USP8: variants seen among roughly 807,000 people sequenced by gnomAD.
USP8 encodes the protein ubiquitin specific peptidase 8, also known as ubiquitin carboxyl-terminal hydrolase 8.
Under a neutral mutation model 130.0 loss-of-function variants are expected in USP8, and 27 were observed. The observed-to-expected ratio is 0.21, with a 90% CI of 0.15 to 0.29. The LOEUF (loss-of-function observed/expected upper bound fraction) is 0.29. Ranked by LOEUF, USP8 falls within the 10% of genes least tolerant of loss-of-function variation. USP8 has a pLI of 1.00. For synonymous variants in USP8, 392 were observed against 444.1 expected (o/e 0.88, Z 1.48); for missense variants, 1,029 against 1,312.2 (o/e 0.78, Z 3.33).
chr15:50,425,106 A>G (rs1436857079), intron 1 of USP8, among the ~76,000 whole-genome samples: 1 of 152,154 alleles, frequency 6.6e-6, no homozygotes, highest in Non-Finnish European at 1.5e-5. Flanking sequence ...AGTGATGTGC[A>G]TTATAAAGCT....
intron 18 of USP8, chr15:50,497,538 G>A (rs987105869): frequency 1.0e-5 from 2 of 197,226 alleles, no homozygotes; most frequent in East Asian, 1.2e-4. Flanking sequence ...CACATGAAAT[G>A]TAACATTCAA....
chr15:50,495,892 C>A lies in USP8; in HGVS notation c.2703C>A (p.Leu901=). ...KRYKEENNDH[L]DDFKAAEHAW... ...ATAAAGAAGAAAATAATGATCATCT[C>A]GATGACTTTAAAGCTGCAGAACATG... The change falls in exon 17 of 20, where the codon CTC becomes CTA. Residue 901 remains leucine (L), a synonymous_variant. Coordinates refer to ENST00000307179, the MANE Select transcript of USP8 (RefSeq NM_005154.5). 6.2e-7 allele frequency: 1 copy of A among 1,613,752 alleles called. No individual in the cohort carries two copies. Among genetic ancestry groups the A allele is most frequent in the Non-Finnish European group, 8.5e-7 (1 of 1,179,898 alleles).
chr15:50,428,817 T>G (rs2049830086), intron 1 of USP8, among the ~76,000 whole-genome samples: 1 of 152,230 alleles, frequency 6.6e-6, no homozygotes, highest in Non-Finnish European at 1.5e-5. Context: ...TTCACCTTTT[T>G]GCTTAAAGGA....
chr15:50,478,460 G>A (rs1027945956), intron 10 of USP8, among the ~76,000 whole-genome samples: 2 of 151,990 alleles, frequency 1.3e-5, no homozygotes, highest in African/African-American at 2.4e-5. Context: ...AGTGGATGAC[G>A]TTTGATTTGT....
At chr15:50,456,460 C>T (rs2050792004) in intron 4 of USP8, among the ~76,000 whole-genome samples, 1 of 151,776 alleles carries the variant, frequency 6.6e-6, no homozygotes, top group Non-Finnish European at 1.5e-5. Flanking sequence ...GTCATCCCAG[C>T]CACTCGAGAG....
chr15:50,465,872 G>A (rs2051172558), intron 7 of USP8, among the ~76,000 whole-genome samples: 1 of 152,124 alleles, frequency 6.6e-6, no homozygotes, highest in South Asian at 2.1e-4. Flanking sequence ...CTAAGCTCAG[G>A]TTTCCATCTG....
intron 14 of USP8, among the ~76,000 whole-genome samples, chr15:50,492,076 G>A (rs1410286762): frequency 6.6e-6 from 1 of 152,016 alleles, no homozygotes; most frequent in Non-Finnish European, 1.5e-5. Context: ...TGGCCAGGCT[G>A]GTCTCAAACT....
chr15:50,442,847 A>G (rs2050305699), intron 3 of USP8, among the ~76,000 whole-genome samples: 1 of 152,208 alleles, frequency 6.6e-6, no homozygotes. Flanking sequence ...GTTTACCTTT[A>G]CTTAGAAACA....
intron 4 of USP8, among the ~76,000 whole-genome samples, chr15:50,450,753 G>C (rs747457959): frequency 6.6e-6 from 1 of 152,124 alleles, no homozygotes; most frequent in Non-Finnish European, 1.5e-5. Flanking sequence ...TTATAGCCAT[G>C]AGCCACTGTA....
chr15:50,458,212 C>G (rs1336184248), intron 4 of USP8, among the ~76,000 whole-genome samples: 1 of 152,146 alleles, frequency 6.6e-6, no homozygotes, highest in Non-Finnish European at 1.5e-5. Context: ...AGTGCAGTCA[C>G]GTGATCTCGG....
Position 50,426,001 on chromosome 15 carries a change from G to A in USP8, c.-66+1487G>A, listed in dbSNP as rs112391989. On this transcript the variant is annotated intron_variant, in intron 1 of 19. Transcript: ENST00000307179. ...CTGGGCGTGGTGGTGCACGCCTGTAGTCCCAGCTACTCTGGAGGCTGAGGC... is the reference window on the plus strand; with the variant it reads ...CTGGGCGTGGTGGTGCACGCCTGTAATCCCAGCTACTCTGGAGGCTGAGGC... 3.6e-3 allele frequency among the ~76,000 whole-genome samples: 544 copies of A among 152,200 alleles called. 5 individuals are homozygous for A. The highest frequency in any genetic ancestry group is 0.012 in the African/African-American group (515 of 41,526).
At chr15:50,432,551 C>T (rs1285090791) in intron 1 of USP8, 7 of 152,244 alleles carry the variant, frequency 4.6e-5, no homozygotes, top group Non-Finnish European at 8.8e-5. Context: ...TATTTTATCA[C>T]AAACTGATAA....
At chr15:50,475,851 C>T (rs1387490260) in intron 8 of USP8, among the ~76,000 whole-genome samples, 1 of 152,074 alleles carries the variant, frequency 6.6e-6, no homozygotes, top group Non-Finnish European at 1.5e-5. Flanking sequence ...GATCCTCCCG[C>T]CTCGGCCTTC....
chr15:50,443,435 A>G (rs766400840), intron 3 of USP8, among the ~76,000 whole-genome samples: 1 of 151,910 alleles, frequency 6.6e-6, no homozygotes, highest in Non-Finnish European at 1.5e-5. Flanking sequence ...CATTGCTGGT[A>G]TTTCTTCTCA....
At position 50,490,383 on chromosome 15, in the gene USP8, G is replaced by T. The variant is rs1483654869; in HGVS notation, c.2092G>T (p.Ala698Ser). 2 of 1,613,716 alleles carry T rather than the reference G, an allele frequency of 1.2e-6. No individual in the cohort carries two copies. Among genetic ancestry groups the T allele is most frequent in the East Asian group, 4.5e-5 (2 of 44,884 alleles). ...TCCTTCCACCCCTCCAACTCATAAAGCCAAGCCACAGATTCCTGCTGAGCG... is the reference window on the plus strand; with the variant it reads ...TCCTTCCACCCCTCCAACTCATAAATCCAAGCCACAGATTCCTGCTGAGCG... Reference protein sequence around the residue: ...APPSTPPTHKAKPQIPAERDR... With the variant: ...APPSTPPTHKSKPQIPAERDR... Residue 698 changes from alanine to serine, a missense_variant, in exon 14 of 20, where the codon GCC becomes TCC. Ala to Ser is a moderately conservative substitution (Grantham distance 99). Transcript: ENST00000307179.
chr15:50,482,115 G>A, intron 11 of USP8, 50 bp downstream of exon 11: 5 of 1,440,036 alleles, frequency 3.5e-6, no homozygotes, highest in Non-Finnish European at 4.6e-6. Flanking sequence ...AAATGTATAT[G>A]AAAATGTGAA....
At chr15:50,494,518 T>C (rs896254003) in intron 16 of USP8, among the ~76,000 whole-genome samples, 15 of 152,256 alleles carry the variant, frequency 9.9e-5, no homozygotes, top group African/African-American at 2.4e-4. Flanking sequence ...AAAATAGTTA[T>C]TGGCGTTTGT....
At position 50,497,080 on chromosome 15, in the gene USP8, T is replaced by C. The variant is rs199745319; in HGVS notation, c.2896-9T>C. ...TAACGAGTATCTGCTACTTGTTTTT[T>C]TCTGCCAGGATTGCCTTAGATTATT... On this transcript the variant is annotated splice_polypyrimidine_tract_variant and intron_variant, in intron 17 of 19. Transcript: ENST00000307179. The C allele has an allele frequency of 2.4e-4, 384 of 1,587,442 alleles. No individual in the cohort carries two copies. The highest frequency in any genetic ancestry group is 3.5e-4 in the Middle Eastern group (2 of 5,770).
intron 3 of USP8, among the ~76,000 whole-genome samples, chr15:50,445,275 A>G (rs71469696): frequency 6.6e-6 from 1 of 151,236 alleles, no homozygotes; most frequent in Non-Finnish European, 1.5e-5. Flanking sequence ...GCTGGGCGCA[A>G]TGGCTCACCC....
Sources: allele counts gnomAD v4.1 joint callset (sites outside exome capture counted in the v4.1 genomes callset), GRCh38; gene constraint gnomAD v4.1.1; transcripts MANE v1.5; gene names NCBI Gene and HGNC (gene_info 2026-07-23, HGNC 2026-07-21).